DCC: variants seen among roughly 807,000 people sequenced by gnomAD.
DCC encodes netrin receptor DCC.
A neutral mutation model predicts 172.5 loss-of-function variants in DCC; 58 were observed. The observed-to-expected ratio is 0.34, with a 90% CI of 0.27 to 0.42. DCC has a LOEUF of 0.42. Among genes scored for constraint, DCC ranks in the 10% least tolerant of loss-of-function variants. The pLI, the probability that DCC is intolerant of heterozygous loss-of-function variation, is 1.00. For missense variants in DCC, 1,740 were observed against 1,791.0 expected (o/e 0.97, Z 0.51); for synonymous variants, 709 against 644.5 (o/e 1.10, Z -1.52).
chr18:53,274,153 A>G (rs1286047223), intron 12 of DCC, among the ~76,000 whole-genome samples: 1 of 152,166 alleles, frequency 6.6e-6, no homozygotes, highest in African/African-American at 2.4e-5. Flanking sequence ...TTTTCAATAA[A>G]TTGCATATAT....
chr18:52,480,880 G>T (rs2119840), intron 1 of DCC, among the ~76,000 whole-genome samples: 1 of 151,564 alleles, frequency 6.6e-6, no homozygotes, highest in Non-Finnish European at 1.5e-5. Flanking sequence ...CTAAACTCCA[G>T]GCCTCCTTTT....
chr18:52,471,828 C>A (rs917442093), intron 1 of DCC, among the ~76,000 whole-genome samples: 11 of 152,140 alleles, frequency 7.2e-5, no homozygotes, highest in African/African-American at 1.9e-4. Context: ...CTTTGTGTAA[C>A]CTTGCTGAAC....
At chr18:52,626,399 C>T (rs1300502597) in intron 1 of DCC, among the ~76,000 whole-genome samples, 1 of 152,176 alleles carries the variant, frequency 6.6e-6, no homozygotes, top group Non-Finnish European at 1.5e-5. Flanking sequence ...GACCCAAGCT[C>T]TTAATTGTTC....
At chr18:52,632,631 A>G (rs1392515543) in intron 1 of DCC, among the ~76,000 whole-genome samples, 1 of 152,158 alleles carries the variant, frequency 6.6e-6, no homozygotes, top group Non-Finnish European at 1.5e-5. Context: ...TTCTCCTGTT[A>G]TCCTTCTTAA....
At chr18:53,143,918 A>G (rs1167857227) in intron 7 of DCC, among the ~76,000 whole-genome samples, 6 of 152,236 alleles carry the variant, frequency 3.9e-5, no homozygotes, top group African/African-American at 1.2e-4. Context: ...GGTGAAGGCC[A>G]CAGTGTTTTG....
At chr18:52,691,297 C>T (rs889561467) in intron 1 of DCC, among the ~76,000 whole-genome samples, 1 of 152,108 alleles carries the variant, frequency 6.6e-6, no homozygotes, top group African/African-American at 2.4e-5. Context: ...CTGGCCAAGG[C>T]TCACTTGTCC....
At chr18:52,936,673 G>A (rs1339998473) in intron 5 of DCC, among the ~76,000 whole-genome samples, 1 of 150,592 alleles carries the variant, frequency 6.6e-6, no homozygotes, top group Non-Finnish European at 1.5e-5. Context: ...GACAATCTGT[G>A]GCTCACAAGG....
chr18:52,410,022 C>T (rs1047245281), intron 1 of DCC, among the ~76,000 whole-genome samples: 3 of 152,112 alleles, frequency 2.0e-5, no homozygotes, highest in African/African-American at 7.2e-5. Flanking sequence ...GACATCCCCA[C>T]CAGTGAAAAT....
At chr18:52,982,453 C>T (rs1444382967) in intron 5 of DCC, among the ~76,000 whole-genome samples, 1 of 152,140 alleles carries the variant, frequency 6.6e-6, no homozygotes, top group Non-Finnish European at 1.5e-5. Context: ...TCTTCTCTAC[C>T]TTTGTTCATT....
chr18:52,441,803 A>T (rs1404027463), intron 1 of DCC, among the ~76,000 whole-genome samples: 1 of 152,232 alleles, frequency 6.6e-6, no homozygotes, highest in Non-Finnish European at 1.5e-5. Flanking sequence ...TAAATGTATT[A>T]TTCTCACACA....
chr18:52,502,821 A>T (rs1237273124), intron 1 of DCC, among the ~76,000 whole-genome samples: 2 of 152,200 alleles, frequency 1.3e-5, no homozygotes, highest in Admixed American at 1.3e-4. Flanking sequence ...GGCATTTGGA[A>T]TCTCATATGG....
At chr18:52,862,581 C>G (rs183803360) in intron 2 of DCC, among the ~76,000 whole-genome samples, 2 of 152,058 alleles carry the variant, frequency 1.3e-5, no homozygotes, top group South Asian at 4.2e-4. Flanking sequence ...GCCTGTAGTT[C>G]CAGCTACTTG....
intron 1 of DCC, among the ~76,000 whole-genome samples, chr18:52,655,820 GGTTACCATAAT>G (rs2035232542): frequency 6.6e-6 from 1 of 151,630 alleles, no homozygotes; most frequent in Admixed American, 6.6e-5. Context: ...TTCTTCAAGA[GGTTACCATAAT>G]GTGCTTTTAC....
At chr18:52,608,222 C>T (rs1337590679) in intron 1 of DCC, among the ~76,000 whole-genome samples, 3 of 152,056 alleles carry the variant, frequency 2.0e-5, no homozygotes, top group South Asian at 2.1e-4. Context: ...GTAGGAGTTC[C>T]GTCCCACAAA....
At chr18:52,821,523 CCCTT>C (rs1274361292) in intron 2 of DCC, among the ~76,000 whole-genome samples, 1 of 152,092 alleles carries the variant, frequency 6.6e-6, no homozygotes, top group African/African-American at 2.4e-5. Context: ...ATTCTTGTCT[CCCTT>C]CATCATTCAT....
At position 52,515,606 on chromosome 18, in the gene DCC, C is replaced by CAAAAAAAAAAAAAAAAAA. The variant is rs58112743; in HGVS notation, c.91+174731_91+174748dup. ...TGGGCGACAGAGCGAAACCCTGTCTCAAAAAAAAAAAAAAAAAAAATCATA... is the reference window on the plus strand; with the variant it reads ...TGGGCGACAGAGCGAAACCCTGTCTCAAAAAAAAAAAAAAAAAAAAAAAAAAAAAAAAAAAAAATCATA... On this transcript the variant is annotated intron_variant, in intron 1 of 28. Coordinates refer to ENST00000442544, the MANE Select transcript of DCC (RefSeq NM_005215.4). 1.5e-3 allele frequency among the ~76,000 whole-genome samples: 15 copies of CAAAAAAAAAAAAAAAAAA among 10,334 alleles called. 1 individual carries two copies. The highest frequency in any genetic ancestry group is 4.9e-3 in the East Asian group (2 of 406). The allele number at this position is 10,334 out of a possible 152,430, so 6.8% of individuals were successfully genotyped here. A position where few individuals can be genotyped will look rare whatever the true frequency, so the allele number is the denominator to read the frequency against.
intron 1 of DCC, among the ~76,000 whole-genome samples, chr18:52,730,592 G>C (rs901212693): frequency 6.6e-6 from 1 of 152,068 alleles, no homozygotes; most frequent in African/African-American, 2.4e-5. Context: ...TATAGTTAAC[G>C]ACTGGCACTG....
chr18:53,020,567 C>T (rs558807564), intron 5 of DCC, among the ~76,000 whole-genome samples: 1 of 152,288 alleles, frequency 6.6e-6, no homozygotes, highest in East Asian at 1.9e-4. Flanking sequence ...ATGTTTCACA[C>T]TCATTAGTTC....
chr18:52,922,933 G>T (rs189400444), intron 3 of DCC, among the ~76,000 whole-genome samples: 6 of 152,256 alleles, frequency 3.9e-5, no homozygotes, highest in East Asian at 1.9e-4. Context: ...TTTAAGGATT[G>T]AATCAAAAGA....
Sources: gnomAD v4.1 joint callset for allele counts (sites outside exome capture counted in the v4.1 genomes callset) on GRCh38, gnomAD v4.1.1 for gene constraint, MANE v1.5 for transcripts, NCBI Gene and HGNC (gene_info 2026-07-23, HGNC 2026-07-21) for gene names.